Variants in CBFA2T3 observed in about 807,000 individuals in gnomAD.
CBFA2T3 encodes the protein CBFA2/RUNX1 partner transcriptional co-repressor 3.
CBFA2T3 carries 31 observed loss-of-function variants against 58.6 expected under a neutral mutation model. That is an observed-to-expected ratio of 0.53 (90% confidence interval 0.40 to 0.71). The LOEUF (loss-of-function observed/expected upper bound fraction) is 0.71. Ranked by LOEUF, CBFA2T3 falls within the 30% of genes least tolerant of loss-of-function variation. The pLI, the probability that CBFA2T3 is intolerant of heterozygous loss-of-function variation, is 0.00. For synonymous variants in CBFA2T3, 531 were observed against 421.9 expected (o/e 1.26, Z -3.17); for missense variants, 1,076 against 963.1 (o/e 1.12, Z -1.55).
chr16:88,909,195 C>T (rs78752108), intron 1 of CBFA2T3, among the ~76,000 whole-genome samples: 6,592 of 152,284 alleles, frequency 0.043, 206 homozygotes, highest in African/African-American at 0.084. Flanking sequence ...CTTGCAAAGC[C>T]TTTTCTGGGG....
chr16:88,879,753 G>C (rs1159151382), intron 10 of CBFA2T3: 1 of 407,740 alleles, frequency 2.5e-6, no homozygotes, highest in African/African-American at 2.0e-5. Flanking sequence ...GGTGTCACAA[G>C]TCAAAGCTTG....
intron 1 of CBFA2T3, among the ~76,000 whole-genome samples, chr16:88,961,951 G>C (rs12925213): frequency 4.1e-5 from 4 of 97,906 alleles, no homozygotes; most frequent in Non-Finnish European, 4.3e-5. Context: ...GACACTCAGC[G>C]CTGGGCATTC....
At chr16:88,915,631 T>C (rs1188645624) in intron 1 of CBFA2T3, among the ~76,000 whole-genome samples, 1 of 7,948 alleles carries the variant, frequency 1.3e-4, no homozygotes, top group East Asian at 3.7e-3. Flanking sequence ...GAGGGGGGAG[T>C]GTGGAGGAGG....
At chr16:88,888,683 G>C (rs1208635370) in intron 5 of CBFA2T3, among the ~76,000 whole-genome samples, 1 of 149,500 alleles carries the variant, frequency 6.7e-6, no homozygotes, top group East Asian at 2.0e-4. Context: ...TGAGCCACAA[G>C]ACCTGGAAGC....
In CBFA2T3 at chr16:88,876,148, T is replaced by C. The variant is rs1968821569; in HGVS notation, c.*828A>G. On this transcript the variant is annotated 3_prime_UTR_variant, in exon 12 of 12. Coordinates refer to ENST00000268679, the MANE Select transcript of CBFA2T3 (RefSeq NM_005187.6). ...TTGGATTTTGATTTCTTGTGTTTGC[T>C]TTTTTGGATTTCCTTTGGAGCAGAG... The C allele has an allele frequency of 4.3e-6, 1 of 231,954 alleles. No individual in the cohort carries two copies. The highest frequency in any genetic ancestry group is 2.2e-5 in the African/African-American group (1 of 45,212). The allele number at this position is 231,954 out of a possible 1,614,324, so 14.4% of individuals were successfully genotyped here. A position where few individuals can be genotyped will look rare whatever the true frequency, so the allele number is the denominator to read the frequency against.
intron 1 of CBFA2T3, among the ~76,000 whole-genome samples, chr16:88,936,559 C>G (rs970828715): frequency 2.0e-5 from 3 of 152,174 alleles, no homozygotes; most frequent in Non-Finnish European, 4.4e-5. Context: ...AGGCTCTGAG[C>G]TGCCCAGACC....
At chr16:88,900,062 G>A (rs1330199626) in intron 2 of CBFA2T3, among the ~76,000 whole-genome samples, 1 of 152,256 alleles carries the variant, frequency 6.6e-6, no homozygotes, top group Non-Finnish European at 1.5e-5. Flanking sequence ...AGAAACCGTG[G>A]CCAGCTCCGC....
In CBFA2T3 at chr16:88,876,997, T is replaced by C. The variant is rs1033418067; in HGVS notation, c.1941A>G (p.Pro647=). 2.7e-6 allele frequency: 4 copies of C among 1,461,188 alleles called. No individual in the cohort carries two copies. Among genetic ancestry groups the C allele is most frequent in the African/African-American group, 2.9e-5 (2 of 69,336 alleles). 90.5% of individuals were successfully genotyped at this position (1,461,188 alleles called of 1,614,324 possible). A position where few individuals can be genotyped will look rare whatever the true frequency, so the allele number is the denominator to read the frequency against. The change falls in exon 12 of 12, where the codon CCA becomes CCG. Residue 647 remains proline (P), a synonymous_variant. Transcript: ENST00000268679. ...SRPGSPSPPG[P]LDTVPR is the part of the protein sequence containing the mutation. Reference sequence around the variant, plus strand: ...GGGGTCAGCGGGGCACGGTGTCCAGTGGGCCAGGTGGGCTGGGGGAGCCGG... The same window carrying C: ...GGGGTCAGCGGGGCACGGTGTCCAGCGGGCCAGGTGGGCTGGGGGAGCCGG...
At chr16:88,976,612 C>A in intron 1 of CBFA2T3, 45 bp downstream of exon 1, 1 of 1,439,654 alleles carries the variant, frequency 6.9e-7, no homozygotes, top group Non-Finnish European at 9.5e-7. Context: ...GCACCGGCTG[C>A]CGCTCTCTGC....
At chr16:88,949,559 C>CAA (rs1258443834) in intron 1 of CBFA2T3, among the ~76,000 whole-genome samples, 2 of 85,364 alleles carry the variant, frequency 2.3e-5, no homozygotes. Flanking sequence ...GACTCTGTCT[C>CAA]AAAAAAAAAA....
Position 88,976,335 on chromosome 16 carries a change from G to A in CBFA2T3, c.151+322C>T, listed in dbSNP as rs544627860. ...TTCTAGGACCCCCCCATCACTTCCC[G>A]GCTGCGGCCCTCCCACCCCCAGGAG... On this transcript the variant is annotated intron_variant, in intron 1 of 11. Coordinates refer to ENST00000268679, the MANE Select transcript of CBFA2T3 (RefSeq NM_005187.6). Among the ~76,000 whole-genome samples the A allele has an allele frequency of 1.2e-4, 18 of 151,996 alleles. No individual in the cohort carries two copies. The South Asian group carries it at 2.7e-3, about 23-fold the overall frequency.
chr16:88,946,458 G>A (rs1414865929), intron 1 of CBFA2T3, among the ~76,000 whole-genome samples: 2 of 152,154 alleles, frequency 1.3e-5, no homozygotes, highest in East Asian at 1.9e-4. Flanking sequence ...TATAGAATAG[G>A]GAAGGTTGAG....
rs1264165294 is a variant in CBFA2T3, at chr16:88,958,952, C to G, written c.151+17705G>C. 6.6e-6 allele frequency among the ~76,000 whole-genome samples: 1 copy of G among 152,184 alleles called. No homozygotes were observed. Among genetic ancestry groups the G allele is most frequent in the Admixed American group, 6.5e-5 (1 of 15,286 alleles). The stretch of plus-strand genomic sequence containing the variant: ...GAGTTCCCAGAGGGCTGATTCCTCT[C>G]TCTGCCCCGACCCCTGGCAACCCTG... On this transcript the variant is annotated intron_variant, in intron 1 of 11. Coordinates refer to ENST00000268679, the MANE Select transcript of CBFA2T3 (RefSeq NM_005187.6). This position sits in a 1 kb window ranked among gnomAD's most constrained non-coding sequence, Gnocchi z 4.0.
chr16:88,975,239 G>A (rs1409068480), intron 1 of CBFA2T3, among the ~76,000 whole-genome samples: 196 of 87,486 alleles, frequency 2.2e-3, no homozygotes, highest in Middle Eastern at 5.9e-3. Context: ...AGCCATGTCA[G>A]AGGCCCGCCC....
At chr16:88,943,172 G>A (rs1467545447) in intron 1 of CBFA2T3, among the ~76,000 whole-genome samples, 1 of 152,248 alleles carries the variant, frequency 6.6e-6, no homozygotes, top group African/African-American at 2.4e-5. Flanking sequence ...GCAGGTGGGA[G>A]AATTCAGCAG....
In CBFA2T3 at chr16:88,891,435, C is replaced by T. The variant is rs75553035; in HGVS notation, c.711+447G>A. 8.2e-4 allele frequency among the ~76,000 whole-genome samples: 125 copies of T among 152,322 alleles called. No homozygotes were observed. In the East Asian group the frequency reaches 0.018, roughly 22 times the overall value. On this transcript the variant is annotated intron_variant, in intron 5 of 11. Coordinates refer to ENST00000268679, the MANE Select transcript of CBFA2T3 (RefSeq NM_005187.6). ...GATTTGAGAGTGGCTGTGGACCGAA[C>T]GCCTTCCCACCCCAGGGTGCTGGCT...
intron 2 of CBFA2T3, 81 bp from the exon 3 acceptor site, chr16:88,898,233 T>C: frequency 9.6e-7 from 1 of 1,037,240 alleles, no homozygotes; most frequent in Non-Finnish European, 1.5e-6. Flanking sequence ...CGCGGCCACC[T>C]TTTCCTACTT....
At chr16:88,909,742 T>C (rs998712598) in intron 1 of CBFA2T3, among the ~76,000 whole-genome samples, 4 of 152,090 alleles carry the variant, frequency 2.6e-5, no homozygotes, top group African/African-American at 9.7e-5. Context: ...GCCCCGGAGA[T>C]GGACGACCCC....
intron 3 of CBFA2T3, among the ~76,000 whole-genome samples, chr16:88,897,068 T>TG (rs375291556): frequency 2.6e-5 from 4 of 152,028 alleles, no homozygotes; most frequent in African/African-American, 4.8e-5. Context: ...AGAGCCTTGG[T>TG]GGGGGGGTCA....
Sources: gnomAD v4.1 joint callset for allele counts (sites outside exome capture counted in the v4.1 genomes callset) on GRCh38, gnomAD v4.1.1 for gene constraint, Gnocchi (gnomAD v3.1) non-coding constraint, MANE v1.5 for transcripts, NCBI Gene and HGNC (gene_info 2026-07-23, HGNC 2026-07-21) for gene names.